GRXCR2: variants seen among roughly 807,000 people sequenced by gnomAD.
GRXCR2 encodes the protein glutaredoxin domain-containing cysteine-rich protein 2.
GRXCR2 carries 23 observed loss-of-function variants against 24.8 expected under a neutral mutation model. That is an observed-to-expected ratio of 0.93 (90% CI 0.67 to 1.32). The LOEUF (loss-of-function observed/expected upper bound fraction) is 1.32, where lower values mean the gene tolerates loss of function less well. Among genes scored for constraint, GRXCR2 ranks in the 40% most tolerant of loss-of-function variants. The pLI, the probability that GRXCR2 is intolerant of heterozygous loss-of-function variation, is 0.00. For synonymous variants in GRXCR2, 130 were observed against 116.1 expected (o/e 1.12, Z -0.77); for missense variants, 315 against 303.4 (o/e 1.04, Z -0.28).
intron 2 of GRXCR2, among the ~76,000 whole-genome samples, chr5:145,924,843 G>A (rs1422949752): frequency 6.6e-6 from 1 of 152,088 alleles, no homozygotes; most frequent in Non-Finnish European, 1.5e-5. Flanking sequence ...GTTTTACAGG[G>A]TGTAGCAATG....
upstream of GRXCR2, among the ~76,000 whole-genome samples, chr5:145,875,910 T>C (rs566503404): frequency 3.3e-5 from 5 of 152,062 alleles, no homozygotes; most frequent in Non-Finnish European, 7.4e-5. Flanking sequence ...ACATCTGTAA[T>C]CCCAGCTACT....
At chr5:145,911,321 G>A (rs573220991) in intron 2 of GRXCR2, among the ~76,000 whole-genome samples, 2 of 152,278 alleles carry the variant, frequency 1.3e-5, no homozygotes, top group Admixed American at 6.5e-5. Context: ...CAGGTGTCAC[G>A]GTCTGGCGTC....
chr5:145,887,249 A>G (rs765980026), intron 2 of GRXCR2, among the ~76,000 whole-genome samples: 1 of 152,196 alleles, frequency 6.6e-6, no homozygotes, highest in African/African-American at 2.4e-5. Context: ...GGTGTTTGCC[A>G]CCAAACCTGG....
At chr5:145,892,041 A>G (rs1756873223) in intron 2 of GRXCR2, among the ~76,000 whole-genome samples, 1 of 152,212 alleles carries the variant, frequency 6.6e-6, no homozygotes, top group African/African-American at 2.4e-5. Flanking sequence ...GTGGACCTCC[A>G]GCAAACTCCA....
At chr5:145,863,520 A>T (rs1756375420) in intron 2 of GRXCR2, among the ~76,000 whole-genome samples, 1 of 152,106 alleles carries the variant, frequency 6.6e-6, no homozygotes, top group Non-Finnish European at 1.5e-5. Context: ...GCCTTTTATC[A>T]TTTCTGGTCC....
chr5:145,927,150 C>A (rs6580393), intron 2 of GRXCR2, among the ~76,000 whole-genome samples: 60,196 of 150,444 alleles, frequency 0.4, 12,260 homozygotes, highest in East Asian at 0.66. Context: ...GGGTTTTCTA[C>A]ATATACAATC....
chr5:145,921,882 T>C (rs1286037112), intron 2 of GRXCR2, among the ~76,000 whole-genome samples: 1 of 152,234 alleles, frequency 6.6e-6, no homozygotes, highest in Non-Finnish European at 1.5e-5. Flanking sequence ...TTTATTTTTT[T>C]AAATAAGTTG....
At chr5:145,889,228 G>T (rs981284279) in intron 2 of GRXCR2, among the ~76,000 whole-genome samples, 9 of 150,444 alleles carry the variant, frequency 6.0e-5, no homozygotes, top group African/African-American at 2.0e-4. Flanking sequence ...AAGAAAGAAA[G>T]AAAGAAAGAA....
chr5:145,887,094 T>G (rs34416968), intron 2 of GRXCR2, among the ~76,000 whole-genome samples: 4,699 of 152,308 alleles, frequency 0.031, 78 homozygotes, highest in Middle Eastern at 0.054. Context: ...AAATCAAAAT[T>G]TTATTTTAAT....
chr5:145,888,679 T>TA (rs1756811819), intron 2 of GRXCR2, among the ~76,000 whole-genome samples: 1 of 152,200 alleles, frequency 6.6e-6, no homozygotes, highest in East Asian at 1.9e-4. Flanking sequence ...TCATTTTTCC[T>TA]AAAAAATAAC....
In GRXCR2 at chr5:145,858,814, A is replaced by G. The variant is rs1402810394; in HGVS notation, c.*919T>C. On this transcript the variant is annotated 3_prime_UTR_variant, in exon 3 of 3. Coordinates refer to ENST00000377976, the MANE Select transcript of GRXCR2 (RefSeq NM_001080516.2). ...AGAATCATCCTTACTATGCATATTC[A>G]TGGATAGTAGAAACATTACTGCTAA... 2 of 152,318 alleles carry G rather than the reference A, an allele frequency of 1.3e-5. No homozygotes were observed. The highest frequency in any genetic ancestry group is 3.9e-4 in the East Asian group (2 of 5,174). The allele number at this position is 152,318 out of a possible 1,614,324, so 9.4% of individuals were successfully genotyped here.
In GRXCR2 at chr5:145,872,983, C is replaced by T. The variant is rs1482646661; in HGVS notation, c.-15G>A. On this transcript the variant is annotated 5_prime_UTR_variant, in exon 1 of 3. Coordinates refer to ENST00000377976, the MANE Select transcript of GRXCR2 (RefSeq NM_001080516.2). ...GGGTCCTCCATCAGCAGAAAGTTGACCCTGTGGTCTCCAGCCTTCCGTGCA... is the reference window on the plus strand; with the variant it reads ...GGGTCCTCCATCAGCAGAAAGTTGATCCTGTGGTCTCCAGCCTTCCGTGCA... The T allele has an allele frequency of 1.9e-6, 3 of 1,610,012 alleles. No individual in the cohort carries two copies. The South Asian group carries it at 3.3e-5, about 18-fold the overall frequency.
intron 2 of GRXCR2, among the ~76,000 whole-genome samples, chr5:145,892,311 G>A (rs538969176): frequency 6.6e-6 from 1 of 152,158 alleles, no homozygotes; most frequent in Non-Finnish European, 1.5e-5. Flanking sequence ...GAGAGAAGAA[G>A]GCTTCAGATG....
At chr5:145,857,753 T>G (rs1189866843), downstream of GRXCR2, among the ~76,000 whole-genome samples, 1 of 152,206 alleles carries the variant, frequency 6.6e-6, no homozygotes, top group Non-Finnish European at 1.5e-5. Flanking sequence ...CTTCTTCCTC[T>G]GGGCAACCTG....
chr5:145,914,922 T>C (rs1166872447), intron 2 of GRXCR2, among the ~76,000 whole-genome samples: 1 of 152,212 alleles, frequency 6.6e-6, no homozygotes, highest in East Asian at 1.9e-4. Context: ...GCTATAGTCT[T>C]AGAAGCAGAG....
upstream of GRXCR2, chr5:145,873,022 G>A (rs997761392): frequency 1.4e-6 from 2 of 1,453,498 alleles, no homozygotes; most frequent in Non-Finnish European, 1.9e-6. Flanking sequence ...GGTGAAACTT[G>A]GGCCTCTGAG....
chr5:145,930,494 CA>C (rs372206358), intron 2 of GRXCR2, among the ~76,000 whole-genome samples: 8 of 152,310 alleles, frequency 5.3e-5, no homozygotes, highest in African/African-American at 1.4e-4. Context: ...CTTTCACCTT[CA>C]AATTGCAGCA....
At chr5:145,864,740 T>G (rs1445629278) in intron 2 of GRXCR2, among the ~76,000 whole-genome samples, 4 of 152,178 alleles carry the variant, frequency 2.6e-5, no homozygotes, top group African/African-American at 9.7e-5. Context: ...GTGAGTCAAT[T>G]AAACCTCCTT....
At chr5:145,887,502 C>A (rs1162962124) in intron 2 of GRXCR2, among the ~76,000 whole-genome samples, 3 of 152,162 alleles carry the variant, frequency 2.0e-5, no homozygotes, top group Non-Finnish European at 4.4e-5. Flanking sequence ...ATGAACACCA[C>A]AGACATTTCG....
Sources: allele counts gnomAD v4.1 joint callset (sites outside exome capture counted in the v4.1 genomes callset), GRCh38; gene constraint gnomAD v4.1.1; transcripts MANE v1.5; gene names NCBI Gene and HGNC (gene_info 2026-07-23, HGNC 2026-07-21).